The following LARGE1 variants were observed in gnomAD, a reference collection of about 807,000 sequenced individuals.
The protein encoded by LARGE1 is xylosyl- and glucuronyltransferase LARGE1.
A neutral mutation model predicts 87.6 loss-of-function variants in LARGE1; 43 were observed. That is an observed-to-expected ratio of 0.49 (90% CI 0.38 to 0.63). LARGE1 has a LOEUF of 0.63. LARGE1 is among the 30% of genes least tolerant of loss of function. The probability of loss-of-function intolerance (pLI) is 0.00; values close to 1 mark genes in which losing one functional copy is unlikely to be tolerated. For missense variants in LARGE1, 802 were observed against 1,000.2 expected (o/e 0.80, Z 2.67); for synonymous variants, 434 against 394.6 (o/e 1.10, Z -1.18).
chr22:33,331,437 T>A (rs1937686713), intron 10 of LARGE1, among the ~76,000 whole-genome samples: 1 of 150,268 alleles, frequency 6.7e-6, no homozygotes, highest in Non-Finnish European at 1.5e-5. Context: ...GACGGAGTCT[T>A]GCTCTTGTTG....
chr22:33,112,139 T>C, the LARGE1 span, among the ~76,000 whole-genome samples: 927 of 152,256 alleles, frequency 6.1e-3, 10 homozygotes, highest in African/African-American at 0.021. Context: ...GAGAATAGTT[T>C]GCAGGGGGTC....
chr22:33,560,871 G>A (rs886861946), intron 6 of LARGE1, among the ~76,000 whole-genome samples: 2 of 150,862 alleles, frequency 1.3e-5, no homozygotes, highest in East Asian at 1.9e-4. Flanking sequence ...CTGGAGTGCA[G>A]TGGCGCCATC....
chr22:33,635,606 A>G (rs902805871), intron 3 of LARGE1, among the ~76,000 whole-genome samples: 1 of 152,144 alleles, frequency 6.6e-6, no homozygotes, highest in Admixed American at 6.5e-5. Context: ...CCCAAATTCA[A>G]GCTGAAGAAG....
At chr22:33,148,790 T>C in the LARGE1 span, among the ~76,000 whole-genome samples, 1 of 152,150 alleles carries the variant, frequency 6.6e-6, no homozygotes, top group Non-Finnish European at 1.5e-5. Context: ...TAATATCTCA[T>C]TGTGGCTTTA....
chr22:33,305,584 C>T lies in LARGE1; in HGVS notation c.1452-1077G>A, dbSNP rs186650643. On this transcript the variant is annotated intron_variant, in intron 11 of 14. Coordinates refer to ENST00000397394, the MANE Select transcript of LARGE1 (RefSeq NM_133642.5). The stretch of plus-strand genomic sequence containing the variant: ...TCCTGGTCAGAATGCCCACTTTATT[C>T]GGACGATTACCAGGAAATCGATTCC... 17 of 985,246 alleles carry T rather than the reference C, an allele frequency of 1.7e-5. No homozygotes were observed. In the Admixed American group the frequency reaches 1.8e-4, roughly 11 times the overall value. 61.0% of individuals were successfully genotyped at this position (985,246 alleles called of 1,614,324 possible).
intron 11 of LARGE1, among the ~76,000 whole-genome samples, chr22:33,208,304 A>G (rs901953201): frequency 6.6e-6 from 1 of 152,238 alleles, no homozygotes; most frequent in Non-Finnish European, 1.5e-5. Context: ...TTTCTCTTCC[A>G]AGAAACTAAG....
intron 1 of LARGE1, among the ~76,000 whole-genome samples, chr22:33,875,763 A>T (rs2064443855): frequency 6.6e-6 from 1 of 152,170 alleles, no homozygotes; most frequent in Non-Finnish European, 1.5e-5. Flanking sequence ...TGACAGCAGG[A>T]AGTGGAAGCG....
chr22:33,674,374 T>C (rs2081504022), intron 2 of LARGE1, among the ~76,000 whole-genome samples: 1 of 152,204 alleles, frequency 6.6e-6, no homozygotes, highest in Non-Finnish European at 1.5e-5. Flanking sequence ...TACTGGCTTA[T>C]TTCACCTACT....
At chr22:33,543,472 G>A (rs1042288144) in intron 6 of LARGE1, among the ~76,000 whole-genome samples, 7 of 152,304 alleles carry the variant, frequency 4.6e-5, no homozygotes, top group Admixed American at 3.3e-4. Flanking sequence ...ATGATAAGCT[G>A]GGTACTATGC....
At chr22:33,518,335 T>C (rs745391677) in intron 6 of LARGE1, among the ~76,000 whole-genome samples, 4 of 152,206 alleles carry the variant, frequency 2.6e-5, no homozygotes, top group Non-Finnish European at 5.9e-5. Flanking sequence ...TTTGTTTTTG[T>C]TTTGAGACAC....
At chr22:33,585,777 G>T (rs969163734) in intron 5 of LARGE1, among the ~76,000 whole-genome samples, 1 of 152,186 alleles carries the variant, frequency 6.6e-6, no homozygotes, top group Non-Finnish European at 1.5e-5. Flanking sequence ...ATGCAGGGAG[G>T]AATCACTGTA....
At position 33,255,055 on chromosome 22, in the gene LARGE1, A is replaced by G. The variant is rs944179316; in HGVS notation, c.1730+49174T>C. 2.1e-4 allele frequency among the ~76,000 whole-genome samples: 32 copies of G among 150,362 alleles called. No individual in the cohort carries two copies. The Admixed American group carries it at 2.1e-3, about 10-fold the overall frequency. ...CAGGTTCAAGCAATTCTCCTGCCTC[A>G]GCCTCCCTGGTAACTGGGATTACAG... is the stretch of plus-strand genomic sequence containing the variant. On this transcript the variant is annotated intron_variant, in intron 11 of 11. Coordinates refer to the LARGE1 transcript ENST00000608642.
the LARGE1 span, among the ~76,000 whole-genome samples, chr22:33,087,939 A>G: frequency 6.6e-6 from 1 of 152,162 alleles, no homozygotes; most frequent in Admixed American, 6.5e-5. Context: ...ATCTCAATAA[A>G]CTAAAATAAA....
chr22:33,462,217 A>C (rs2148018398), intron 6 of LARGE1, among the ~76,000 whole-genome samples: 1 of 152,350 alleles, frequency 6.6e-6, no homozygotes, highest in South Asian at 2.1e-4. Flanking sequence ...AGACAATGTA[A>C]GCCTTAAGGG....
intron 7 of LARGE1, among the ~76,000 whole-genome samples, chr22:33,390,164 G>T (rs1207936399): frequency 2.0e-5 from 3 of 152,162 alleles, no homozygotes; most frequent in East Asian, 1.9e-4. Context: ...TGGAATTCCA[G>T]AACGTTTACT....
At chr22:33,222,585 G>T (rs1925511066) in intron 11 of LARGE1, among the ~76,000 whole-genome samples, 1 of 152,300 alleles carries the variant, frequency 6.6e-6, no homozygotes, top group South Asian at 2.1e-4. Flanking sequence ...TGTTGTAAGA[G>T]TCGGAAGAGG....
At chr22:33,415,599 T>C (rs1255678606) in intron 7 of LARGE1, among the ~76,000 whole-genome samples, 1 of 152,164 alleles carries the variant, frequency 6.6e-6, no homozygotes, top group Non-Finnish European at 1.5e-5. Flanking sequence ...TCAGTTTAAT[T>C]AGAGCCCCCA....
chr22:33,745,776 G>A (rs2084058158), intron 2 of LARGE1, among the ~76,000 whole-genome samples: 1 of 152,078 alleles, frequency 6.6e-6, no homozygotes, highest in South Asian at 2.1e-4. Flanking sequence ...GGCTTGAAAA[G>A]TGATAAAAGA....
At position 33,584,621 on chromosome 22, in the gene LARGE1, A is replaced by G. The variant is rs141554295; in HGVS notation, c.616-19602T>C. Among the ~76,000 whole-genome samples, 381 of 152,172 alleles carry G rather than the reference A, an allele frequency of 2.5e-3. 2 individuals carry two copies. The highest frequency in any genetic ancestry group is 8.7e-3 in the African/African-American group (361 of 41,520). ...TAATCAGATGAGAATTCAGCTACCT[A>G]TTAAATAGAGTTAACATCAGGTTTT... is the stretch of plus-strand genomic sequence containing the variant. On this transcript the variant is annotated intron_variant, in intron 5 of 14. Transcript: ENST00000397394.
Sources: allele counts gnomAD v4.1 joint callset (sites outside exome capture counted in the v4.1 genomes callset), GRCh38; gene constraint gnomAD v4.1.1; transcripts MANE v1.5; gene names NCBI Gene and HGNC (gene_info 2026-07-23, HGNC 2026-07-21).